Variants in ELMO1 observed in about 807,000 individuals in gnomAD.
ELMO1 encodes the protein engulfment and cell motility protein 1.
Under a neutral mutation model 98.9 loss-of-function variants are expected in ELMO1, and 26 were observed. The ratio of observed to expected loss-of-function variants is 0.26; its 90% CI spans 0.19 to 0.36. ELMO1 has a LOEUF of 0.36. Ranked by LOEUF, ELMO1 falls within the 10% of genes least tolerant of loss-of-function variation. The pLI is 1.00. For synonymous variants in ELMO1, 346 were observed against 346.0 expected (o/e 1.00, Z 0.00); for missense variants, 627 against 935.2 (o/e 0.67, Z 4.30).
At position 37,135,919 on chromosome 7, in the gene ELMO1, T is replaced by C. The variant is rs143612542; in HGVS notation, c.1087-2685A>G. ...AGTAAGAATTCTGAAAGTGGATTATTAAGTTACTCAAGGAGGCGGCAGAGA... is the reference window on the plus strand; with the variant it reads ...AGTAAGAATTCTGAAAGTGGATTATCAAGTTACTCAAGGAGGCGGCAGAGA... On this transcript the variant is annotated intron_variant, in intron 13 of 21. Transcript: ENST00000310758. Among the ~76,000 whole-genome samples the C allele has an allele frequency of 2.3e-3, 345 of 152,304 alleles. 1 individual carries two copies. The highest frequency in any genetic ancestry group is 7.8e-3 in the African/African-American group (325 of 41,562).
intron 1 of ELMO1, among the ~76,000 whole-genome samples, chr7:37,345,456 A>G (rs193201598): frequency 4.6e-5 from 7 of 152,170 alleles, no homozygotes; most frequent in Non-Finnish European, 8.8e-5. Flanking sequence ...TCACGCCTGT[A>G]ATCCCAACAC....
At chr7:37,394,281 A>G (rs1277344665) in intron 1 of ELMO1, among the ~76,000 whole-genome samples, 2 of 152,214 alleles carry the variant, frequency 1.3e-5, no homozygotes, top group African/African-American at 4.8e-5. Flanking sequence ...GCAGCTCAAC[A>G]TAGTCTGGCA....
intron 2 of ELMO1, among the ~76,000 whole-genome samples, chr7:37,324,974 C>T (rs192957179): frequency 5.3e-5 from 8 of 152,270 alleles, no homozygotes; most frequent in Admixed American, 3.3e-4. Flanking sequence ...TTTCTCTTCC[C>T]GTTATGAAGA....
At chr7:37,431,933 G>A (rs1804948966) in intron 1 of ELMO1, among the ~76,000 whole-genome samples, 1 of 152,172 alleles carries the variant, frequency 6.6e-6, no homozygotes, top group Non-Finnish European at 1.5e-5. Flanking sequence ...CCAGGCTGGA[G>A]TGCAATGGTG....
intron 16 of ELMO1, among the ~76,000 whole-genome samples, chr7:36,922,099 G>A (rs1365254356): frequency 1.3e-5 from 2 of 152,088 alleles, no homozygotes; most frequent in African/African-American, 2.4e-5. Context: ...CCAGTTTAAA[G>A]TTCTAATAAA....
chr7:37,087,930 C>T (rs2129244075), intron 15 of ELMO1, among the ~76,000 whole-genome samples: 1 of 152,260 alleles, frequency 6.6e-6, no homozygotes, highest in African/African-American at 2.4e-5. Context: ...TGCCCTCCCA[C>T]AGTGAAGATG....
intron 1 of ELMO1, among the ~76,000 whole-genome samples, chr7:37,387,734 G>T (rs1802869729): frequency 1.3e-5 from 2 of 152,202 alleles, no homozygotes; most frequent in Admixed American, 1.3e-4. Flanking sequence ...GAAAAGTCAT[G>T]ATGTACTTTT....
intron 16 of ELMO1, among the ~76,000 whole-genome samples, chr7:36,961,960 C>A (rs1408915481): frequency 6.6e-6 from 1 of 152,196 alleles, no homozygotes; most frequent in African/African-American, 2.4e-5. Context: ...AGCCTTCATA[C>A]CTCAAAAATT....
chr7:36,876,656 G>T (rs1440855735), intron 19 of ELMO1, among the ~76,000 whole-genome samples: 1 of 152,098 alleles, frequency 6.6e-6, no homozygotes, highest in African/African-American at 2.4e-5. Context: ...TGCTGCTGAT[G>T]TTCCAGGGAC....
chr7:36,937,248 CT>C (rs1215237787), intron 16 of ELMO1, among the ~76,000 whole-genome samples: 2 of 152,194 alleles, frequency 1.3e-5, no homozygotes, highest in African/African-American at 4.8e-5. Flanking sequence ...GAGTTGGCCC[CT>C]AGTCCAGTAT....
rs58502667 is a variant in ELMO1 at position 37,247,895 on chromosome 7, A to ATGTGTGTGTGTGTGTG, written c.414-3520_414-3505dup. ...AAGTTTAAAATGGTTTTGAAATAAA[A>ATGTGTGTGTGTGTGTG]TGTGTGTGTGTGTGTGTGTGTGTGT... On this transcript the variant is annotated intron_variant, in intron 6 of 21. Transcript: ENST00000310758. Among the ~76,000 whole-genome samples, 662 of 146,620 alleles carry ATGTGTGTGTGTGTGTG rather than the reference A, an allele frequency of 4.5e-3. 7 individuals are homozygous for ATGTGTGTGTGTGTGTG. The highest frequency in any genetic ancestry group is 0.014 in the African/African-American group (557 of 40,002).
At position 37,390,027 on chromosome 7, in the gene ELMO1, G is replaced by C. The variant is rs575113972; in HGVS notation, c.-73-47264C>G. On this transcript the variant is annotated intron_variant, in intron 1 of 21. Transcript: ENST00000310758. ...TTTCATCCCCTGAGAAGTCACCCATGCTCTGGTTCCAGAAATCATTTGGTT... is the reference window on the plus strand; with the variant it reads ...TTTCATCCCCTGAGAAGTCACCCATCCTCTGGTTCCAGAAATCATTTGGTT... 6.6e-5 allele frequency among the ~76,000 whole-genome samples: 10 copies of C among 152,050 alleles called. No homozygotes were observed. In the East Asian group the frequency reaches 1.9e-3, roughly 29 times the overall value.
chr7:37,017,569 C>T (rs1287814614), intron 15 of ELMO1, among the ~76,000 whole-genome samples: 1 of 152,138 alleles, frequency 6.6e-6, no homozygotes, highest in African/African-American at 2.4e-5. Flanking sequence ...GACTTGTGGC[C>T]TTTTGTCTCT....
chr7:37,310,975 A>G (rs1798861402), intron 4 of ELMO1, among the ~76,000 whole-genome samples: 1 of 149,726 alleles, frequency 6.7e-6, no homozygotes, highest in African/African-American at 2.4e-5. Context: ...CCACCTAAAC[A>G]TACCCTTCAC....
intron 4 of ELMO1, among the ~76,000 whole-genome samples, chr7:37,280,264 G>A (rs913329203): frequency 2.6e-5 from 4 of 152,134 alleles, no homozygotes; most frequent in African/African-American, 7.2e-5. Flanking sequence ...AGATAACATC[G>A]GAAGAACCCT....
intron 16 of ELMO1, among the ~76,000 whole-genome samples, chr7:36,959,480 T>A (rs2043756744): frequency 1.3e-5 from 2 of 152,172 alleles, no homozygotes; most frequent in Admixed American, 1.3e-4. Context: ...GACATCTGCG[T>A]ACTTTGAACT....
intron 16 of ELMO1, among the ~76,000 whole-genome samples, chr7:36,899,684 C>CTTTTTTTTTTTTTTT (rs10522661): frequency 0.11 from 7,260 of 63,330 alleles, 2,131 homozygotes; most frequent in African/African-American, 0.13. Context: ...CTTTACTCAT[C>CTTTTTTTTTTTTTTT]TTTTTTTTTT....
chr7:37,297,814 T>A (rs908658830), intron 4 of ELMO1, among the ~76,000 whole-genome samples: 1 of 152,198 alleles, frequency 6.6e-6, no homozygotes, highest in Non-Finnish European at 1.5e-5. Context: ...CCTCATTATA[T>A]AATAAAGTAG....
intron 10 of ELMO1, among the ~76,000 whole-genome samples, chr7:37,218,413 C>T (rs192561598): frequency 6.6e-6 from 1 of 151,590 alleles, no homozygotes; most frequent in Non-Finnish European, 1.5e-5. Context: ...TGTCTGACAC[C>T]GAGAAGACAA....
Sources: gnomAD v4.1 joint callset for allele counts (sites outside exome capture counted in the v4.1 genomes callset) on GRCh38, gnomAD v4.1.1 for gene constraint, MANE v1.5 for transcripts, NCBI Gene and HGNC (gene_info 2026-07-23, HGNC 2026-07-21) for gene names.